The following TAS2R1 variants were observed in gnomAD, a reference collection of about 807,000 sequenced individuals.
The protein encoded by TAS2R1 is taste 2 receptor member 1.
For missense variants in TAS2R1, 370 were observed against 353.4 expected, an observed-to-expected ratio of 1.05 and a Z score of -0.38; for synonymous variants, 141 against 134.2, an observed-to-expected ratio of 1.05 and a Z score of -0.35.
chr5:9,833,067 T>G, the TAS2R1 span, among the ~76,000 whole-genome samples: 4 of 152,278 alleles, frequency 2.6e-5, no homozygotes, highest in South Asian at 6.2e-4. Flanking sequence ...TGCATTCTTC[T>G]GAGTCCTCTA....
chr5:9,639,604 T>C (rs1368075751), intron 2 of TAS2R1, among the ~76,000 whole-genome samples: 1 of 152,154 alleles, frequency 6.6e-6, no homozygotes, highest in African/African-American at 2.4e-5. Flanking sequence ...TGTTCTGCCA[T>C]CCATGTGGAA....
chr5:9,691,078 C>G (rs577376014), intron 1 of TAS2R1, among the ~76,000 whole-genome samples: 1 of 152,300 alleles, frequency 6.6e-6, no homozygotes, highest in South Asian at 2.1e-4. Flanking sequence ...TATGCAAAGC[C>G]TATGAATGTG....
chr5:9,786,788 C>CCTCA, the TAS2R1 span, among the ~76,000 whole-genome samples: 280 of 152,320 alleles, frequency 1.8e-3, 1 homozygote, highest in South Asian at 3.9e-3. Flanking sequence ...ACCTCCTTTA[C>CCTCA]TGAGCAATGT....
chr5:9,837,201 T>G, the TAS2R1 span, among the ~76,000 whole-genome samples: 4 of 152,058 alleles, frequency 2.6e-5, no homozygotes, highest in African/African-American at 9.7e-5. Context: ...CACACATCAC[T>G]ACATTCACAG....
intron 1 of TAS2R1, among the ~76,000 whole-genome samples, chr5:9,698,509 C>T (rs969452851): frequency 6.6e-6 from 1 of 152,080 alleles, no homozygotes; most frequent in Non-Finnish European, 1.5e-5. Context: ...TTAAAGTTGT[C>T]GTGTTTTATC....
chr5:9,873,304 C>G, the TAS2R1 span, among the ~76,000 whole-genome samples: 1 of 152,082 alleles, frequency 6.6e-6, no homozygotes, highest in Admixed American at 6.5e-5. Context: ...TAAAAGGCTC[C>G]CTGTAGAGTT....
chr5:9,757,542 C>T, the TAS2R1 span, among the ~76,000 whole-genome samples: 4 of 152,168 alleles, frequency 2.6e-5, no homozygotes, highest in South Asian at 2.1e-4. Flanking sequence ...CTTAAAGTGG[C>T]AAAAATGACA....
At chr5:9,687,480 A>G (rs1741151086) in intron 1 of TAS2R1, among the ~76,000 whole-genome samples, 1 of 152,138 alleles carries the variant, frequency 6.6e-6, no homozygotes, top group Admixed American at 6.5e-5. Context: ...CACATGCTGA[A>G]CTGAAGCAGG....
the TAS2R1 span, among the ~76,000 whole-genome samples, chr5:9,856,834 C>T: frequency 6.6e-6 from 1 of 152,128 alleles, no homozygotes; most frequent in Non-Finnish European, 1.5e-5. Flanking sequence ...TCTGCACTCC[C>T]ATGTTTATTG....
the TAS2R1 span, among the ~76,000 whole-genome samples, chr5:9,861,117 C>T: frequency 5.2e-5 from 7 of 135,356 alleles, no homozygotes; most frequent in Non-Finnish European, 1.1e-4. Flanking sequence ...ATATTTAAAA[C>T]AAATAGATTT....
the TAS2R1 span, among the ~76,000 whole-genome samples, chr5:9,893,592 C>T: frequency 2.6e-5 from 4 of 151,154 alleles, no homozygotes; most frequent in African/African-American, 7.3e-5. Context: ...AAAAGTAATA[C>T]ATACTTGTAA....
At chr5:9,803,946 G>A in the TAS2R1 span, among the ~76,000 whole-genome samples, 1 of 152,098 alleles carries the variant, frequency 6.6e-6, no homozygotes, top group Non-Finnish European at 1.5e-5. Context: ...CCACACAATG[G>A]CAGACTGGAT....
At chr5:9,790,421 G>T in the TAS2R1 span, among the ~76,000 whole-genome samples, 3 of 152,056 alleles carry the variant, frequency 2.0e-5, no homozygotes, top group Non-Finnish European at 4.4e-5. Flanking sequence ...AAGCCACATC[G>T]GTGTAGCAAC....
the TAS2R1 span, among the ~76,000 whole-genome samples, chr5:9,750,324 C>A: frequency 1.3e-5 from 2 of 152,178 alleles, no homozygotes; most frequent in Non-Finnish European, 2.9e-5. Flanking sequence ...CACCATCCTG[C>A]TGCTTTCTTA....
At chr5:9,843,114 C>T in the TAS2R1 span, among the ~76,000 whole-genome samples, 2 of 152,108 alleles carry the variant, frequency 1.3e-5, no homozygotes, top group Non-Finnish European at 2.9e-5. Context: ...TTTTTAACCT[C>T]TCACTTACTG....
the TAS2R1 span, among the ~76,000 whole-genome samples, chr5:9,829,980 G>C: frequency 6.6e-6 from 1 of 152,160 alleles, no homozygotes; most frequent in Admixed American, 6.5e-5. Flanking sequence ...TCTTATCTTT[G>C]TGACCTTATC....
chr5:9,757,856 A>T, the TAS2R1 span, among the ~76,000 whole-genome samples: 1 of 152,170 alleles, frequency 6.6e-6, no homozygotes, highest in Non-Finnish European at 1.5e-5. Context: ...CTGTAGGAGT[A>T]TTATTAGCTT....
chr5:9,887,420 T>C, the TAS2R1 span, among the ~76,000 whole-genome samples: 1 of 152,158 alleles, frequency 6.6e-6, no homozygotes, highest in Non-Finnish European at 1.5e-5. Flanking sequence ...CCCAGTTTCA[T>C]CAGCACTCTC....
the TAS2R1 span, among the ~76,000 whole-genome samples, chr5:9,719,514 T>C: frequency 1.7e-3 from 262 of 152,342 alleles, 1 homozygote; most frequent in Non-Finnish European, 3.4e-3. Flanking sequence ...CTGAAAACTA[T>C]TCTGGCAAAA....
Sources: gnomAD v4.1 joint callset for allele counts (sites outside exome capture counted in the v4.1 genomes callset) on GRCh38, gnomAD v4.1.1 for gene constraint, MANE v1.5 for transcripts, NCBI Gene and HGNC (gene_info 2026-07-23, HGNC 2026-07-21) for gene names.